The following CLN3 variants were observed in gnomAD, a reference collection of about 807,000 sequenced individuals.
CLN3 encodes CLN3 lysosomal/endosomal transmembrane protein, battenin.
A neutral mutation model predicts 60.7 loss-of-function variants in CLN3; 49 were observed. That is an observed-to-expected ratio of 0.81 (90% CI 0.64 to 1.02). The LOEUF is 1.02. CLN3 is among the 50% of genes least tolerant of loss of function. The pLI is 0.00. For missense variants in CLN3, 516 were observed against 557.4 expected (o/e 0.93, Z 0.75); for synonymous variants, 256 against 245.8 (o/e 1.04, Z -0.39).
chr16:28,478,617 TAAAAAA>T (rs766238150), intron 14 of CLN3, among the ~76,000 whole-genome samples: 3 of 74,354 alleles, frequency 4.0e-5, no homozygotes, highest in African/African-American at 2.3e-4. Context: ...TCCTGTCTCA[TAAAAAA>T]AAAAAAAAAA....
Position 28,484,081 on chromosome 16 carries a change from G to C in CLN3, c.715C>G (p.Pro239Ala). Residue 239 changes from proline to alanine, a missense_variant, in exon 10 of 16, where the codon CCT becomes GCT. Pro to Ala is a conservative substitution (Grantham distance 27). Transcript: ENST00000636147. ...CTCTCTGCTTCTTCTTCCCCTCCAG[G>C]GTCCTGGGCCTCAGGAGATGTGAGC... is the stretch of plus-strand genomic sequence containing the variant. ...LLLTSPEAQD[P>A]GGEEEAESAA... The C allele has an allele frequency of 6.2e-7, 1 of 1,612,390 alleles. No homozygotes were observed. The highest frequency in any genetic ancestry group is 8.5e-7 in the Non-Finnish European group (1 of 1,179,338).
intron 5 of CLN3, chr16:28,488,359 A>T: frequency 2.9e-6 from 1 of 346,448 alleles, no homozygotes; most frequent in Non-Finnish European, 5.1e-6. Context: ...TTTTTCTTTA[A>T]GATGGGGGTC....
At chr16:28,481,615 G>A (rs1339816700) in intron 14 of CLN3, among the ~76,000 whole-genome samples, 3 of 152,100 alleles carry the variant, frequency 2.0e-5, no homozygotes, top group Non-Finnish European at 4.4e-5. Context: ...AAGTCACACA[G>A]TGGCTGAGTA....
intron 14 of CLN3, 123 bp from the exon 15 acceptor site, chr16:28,478,000 A>C: frequency 1.7e-6 from 2 of 1,148,488 alleles, no homozygotes; most frequent in Non-Finnish European, 2.5e-6. Context: ...CCAGGTCTAG[A>C]TAAAATCTCA....
chr16:28,487,605 C>G, intron 6 of CLN3, 57 bp downstream of exon 6: 1 of 1,597,408 alleles, frequency 6.3e-7, no homozygotes, highest in South Asian at 1.1e-5. Flanking sequence ...CTCAGCCATC[C>G]CAGCCTCCCC....
intron 3 of CLN3, chr16:28,490,937 G>A (rs2046304345): frequency 1.3e-5 from 2 of 152,562 alleles, no homozygotes; most frequent in African/African-American, 2.4e-5. Flanking sequence ...CAGATGCGGT[G>A]GTGCACACCT....
chr16:28,488,014 T>C, intron 5 of CLN3: 1 of 432,838 alleles, frequency 2.3e-6, no homozygotes, highest in South Asian at 2.2e-5. Flanking sequence ...AGCTAATATA[T>C]GGTGCAGACA....
At chr16:28,489,180 G>A (rs2046271196) in intron 4 of CLN3, 110 bp downstream of exon 4, 2 of 832,430 alleles carry the variant, frequency 2.4e-6, no homozygotes, top group East Asian at 5.3e-5. Context: ...GGGATTACAG[G>A]TGTGAGCCAC....
At chr16:28,486,844 T>C (rs1018108384) in intron 7 of CLN3, 194 bp from the exon 8 acceptor site, 9 of 652,510 alleles carry the variant, frequency 1.4e-5, no homozygotes, top group African/African-American at 1.2e-4. Flanking sequence ...GGCACCTCCA[T>C]CCACCCAGTT....
downstream of CLN3, among the ~76,000 whole-genome samples, chr16:28,474,729 CCAAACATTTATAG>C (rs1409154170): frequency 6.6e-6 from 1 of 152,098 alleles, no homozygotes; most frequent in Non-Finnish European, 1.5e-5. Flanking sequence ...AAAACTTTAC[CCAAACATTTATAG>C]CAGCATGATT....
At chr16:28,484,320 C>T in intron 9 of CLN3, 2 of 593,528 alleles carry the variant, frequency 3.4e-6, no homozygotes. Flanking sequence ...CTGAATTTAT[C>T]TCCTTATTCC....
At chr16:28,472,134 C>G (rs368009593), downstream of CLN3, among the ~76,000 whole-genome samples, 3 of 152,324 alleles carry the variant, frequency 2.0e-5, no homozygotes, top group Admixed American at 6.5e-5. Context: ...AAACCTGGGT[C>G]TGGTGCAGTG....
chr16:28,472,838 C>T (rs1202424244), downstream of CLN3, among the ~76,000 whole-genome samples: 3 of 150,476 alleles, frequency 2.0e-5, no homozygotes, highest in East Asian at 2.0e-4. Context: ...GGGGTTTCAC[C>T]GTGTTAGGCA....
chr16:28,482,246 C>T, intron 13 of CLN3, 48 bp from the exon 14 acceptor site: 2 of 1,599,756 alleles, frequency 1.3e-6, no homozygotes, highest in South Asian at 1.1e-5. Flanking sequence ...CAGGGACCAT[C>T]CCGCTCCCCC....
At chr16:28,487,812 G>A (rs2046247592) in intron 5 of CLN3, 71 bp from the exon 6 acceptor site, 1 of 1,318,956 alleles carries the variant, frequency 7.6e-7, no homozygotes, top group African/African-American at 1.5e-5. Flanking sequence ...TGGCCAAGGA[G>A]AGGCAGGAGC....
chr16:28,470,737 C>G, downstream of CLN3, among the ~76,000 whole-genome samples: 1 of 150,786 alleles, frequency 6.6e-6, no homozygotes, highest in Non-Finnish European at 1.5e-5. Flanking sequence ...AGAAAGGGGT[C>G]TGGGAAAGGA....
At chr16:28,471,967 T>C (rs1303325933), downstream of CLN3, among the ~76,000 whole-genome samples, 2 of 151,994 alleles carry the variant, frequency 1.3e-5, no homozygotes, top group Non-Finnish European at 2.9e-5. Context: ...AAGATGGAGT[T>C]TGCAGTGAGC....
chr16:28,487,589 C>T (rs745614079), intron 6 of CLN3, 48 bp from the exon 7 acceptor site: 4 of 1,596,738 alleles, frequency 2.5e-6, no homozygotes, highest in East Asian at 2.2e-5. Flanking sequence ...TCTCTACTCT[C>T]AGCATCTCAG....
At position 28,482,409 on chromosome 16, in the gene CLN3, T is replaced by C. The variant is rs552615254; in HGVS notation, c.907-27A>G. 429 of 1,613,946 alleles carry C rather than the reference T, an allele frequency of 2.7e-4. 3 individuals carry two copies. The South Asian group carries it at 4.5e-3, about 17-fold the overall frequency. On this transcript the variant is annotated intron_variant, in intron 12 of 15. Transcript: ENST00000636147. ...TGCAACAAATACCAGACAGGGGAGA[T>C]GGACGGGGCTGTGTGGGTCCCAGCC...
Sources: gnomAD v4.1 joint callset for allele counts (sites outside exome capture counted in the v4.1 genomes callset) on GRCh38, gnomAD v4.1.1 for gene constraint, MANE v1.5 for transcripts, NCBI Gene and HGNC (gene_info 2026-07-23, HGNC 2026-07-21) for gene names.